KCND2: variants seen among roughly 807,000 people sequenced by gnomAD.
KCND2 encodes the protein A-type voltage-gated potassium channel KCND2.
Under a neutral mutation model 54.4 loss-of-function variants are expected in KCND2, and 16 were observed. That is an observed-to-expected ratio of 0.29 (90% CI 0.20 to 0.45). KCND2 has a LOEUF of 0.45. KCND2 is among the 20% of genes least tolerant of loss of function. The pLI is 1.00. For missense variants in KCND2, 486 were observed against 824.2 expected, an observed-to-expected ratio of 0.59 and a Z score of 5.02; for synonymous variants, 317 against 310.7, an observed-to-expected ratio of 1.02 and a Z score of -0.21.
At chr7:120,529,935 G>A (rs1000838673) in intron 1 of KCND2, among the ~76,000 whole-genome samples, 8 of 151,930 alleles carry the variant, frequency 5.3e-5, no homozygotes, top group African/African-American at 1.5e-4. Flanking sequence ...TTAAAAATTA[G>A]CCAGGCACAC....
At chr7:120,566,615 A>T (rs1471086209) in intron 1 of KCND2, among the ~76,000 whole-genome samples, 1 of 152,012 alleles carries the variant, frequency 6.6e-6, no homozygotes, top group East Asian at 1.9e-4. Context: ...CAAAGTGCTG[A>T]GATTATAGGC....
intron 1 of KCND2, among the ~76,000 whole-genome samples, chr7:120,437,281 C>T (rs773835848): frequency 2.0e-5 from 3 of 148,972 alleles, no homozygotes; most frequent in Non-Finnish European, 4.4e-5. Context: ...CGGCTCACTG[C>T]AACCTCTGCC....
chr7:120,441,366 G>A (rs927556342), intron 1 of KCND2, among the ~76,000 whole-genome samples: 1 of 151,986 alleles, frequency 6.6e-6, no homozygotes, highest in African/African-American at 2.4e-5. Flanking sequence ...GCATGTATAT[G>A]TATATTCCCT....
At chr7:120,522,641 T>C (rs1434308611) in intron 1 of KCND2, among the ~76,000 whole-genome samples, 3 of 152,186 alleles carry the variant, frequency 2.0e-5, no homozygotes, top group Non-Finnish European at 4.4e-5. Flanking sequence ...AAAGTTATAA[T>C]AACAATCCTG....
chr7:120,680,710 A>G (rs1792128659), intron 1 of KCND2, among the ~76,000 whole-genome samples: 1 of 152,116 alleles, frequency 6.6e-6, no homozygotes, highest in Non-Finnish European at 1.5e-5. Context: ...ATAATACAAT[A>G]GTATATAAGC....
chr7:120,578,060 G>GAAC lies in KCND2; in HGVS notation c.1116-154841_1116-154840insCAA, dbSNP rs1238047358. Reference sequence around the variant, plus strand: ...AGAAGAAGGAGAAGAAGAAGAAGAAGAAGAACAAGAAGGAGAAGGAGAAGG... The same window carrying GAAC: ...AGAAGAAGGAGAAGAAGAAGAAGAAGAACAAGAACAAGAAGGAGAAGGAGAAGG... On this transcript the variant is annotated intron_variant, in intron 1 of 5. Transcript: ENST00000331113. 2.1e-4 allele frequency among the ~76,000 whole-genome samples: 31 copies of GAAC among 147,956 alleles called. 1 individual carries two copies. The Middle Eastern group carries it at 0.014, about 66-fold the overall frequency.
chr7:120,735,808 G>C (rs1197754926), intron 2 of KCND2, among the ~76,000 whole-genome samples: 1 of 151,992 alleles, frequency 6.6e-6, no homozygotes, highest in Non-Finnish European at 1.5e-5. Context: ...TAATAACCAA[G>C]TATAATATGT....
At chr7:120,381,987 GTTTCGTGTGGTT>G (rs1474765669) in intron 1 of KCND2, among the ~76,000 whole-genome samples, 1 of 150,780 alleles carries the variant, frequency 6.6e-6, no homozygotes, top group African/African-American at 2.4e-5. Context: ...ATAGTTGGTA[GTTTCGTGTGGTT>G]TATTTACTTT....
chr7:120,471,478 C>G (rs1482963749), intron 1 of KCND2, among the ~76,000 whole-genome samples: 1 of 151,980 alleles, frequency 6.6e-6, no homozygotes, highest in Non-Finnish European at 1.5e-5. Flanking sequence ...AATATTAATG[C>G]CATGGGTCTG....
At chr7:120,716,842 A>G (rs1177844119) in intron 1 of KCND2, among the ~76,000 whole-genome samples, 1 of 152,122 alleles carries the variant, frequency 6.6e-6, no homozygotes, top group African/African-American at 2.4e-5. Flanking sequence ...TCAGGAATAC[A>G]GCAGTCCCCC....
At position 120,748,227 on chromosome 7, in the gene KCND2, A is replaced by C. The variant is rs111922939; in HGVS notation, c.*369A>C. On this transcript the variant is annotated 3_prime_UTR_variant, in exon 6 of 6. Coordinates refer to ENST00000331113, the MANE Select transcript of KCND2 (RefSeq NM_012281.3). ...AAAAAATATGGAAAACATTTTGATA[A>C]AATTTTTTCCTGTTAAAACCATGAA... 833 of 168,700 alleles carry C rather than the reference A, an allele frequency of 4.9e-3. 7 individuals carry two copies. Among genetic ancestry groups the C allele is most frequent in the African/African-American group, 0.019 (795 of 41,748 alleles). 10.5% of individuals were successfully genotyped at this position (168,700 alleles called of 1,614,324 possible).
chr7:120,316,762 T>C (rs1769256260), intron 1 of KCND2, among the ~76,000 whole-genome samples: 1 of 152,188 alleles, frequency 6.6e-6, no homozygotes, highest in Admixed American at 6.5e-5. Context: ...AAGAATGATA[T>C]CTTTTTTTTG....
chr7:120,273,325 T>C lies in KCND2; in HGVS notation c.-1308T>C, dbSNP rs1218892596. ...TAGCAGCCCTCCCGCGCCCCCGCGC[T>C]GCCGAGCGCCTTCTGCCTCCGCGCT... On this transcript the variant is annotated 5_prime_UTR_variant, in exon 1 of 6. Transcript: ENST00000331113. Among the ~76,000 whole-genome samples the C allele has an allele frequency of 6.7e-6, 1 of 150,328 alleles. No homozygotes were observed. Among genetic ancestry groups the C allele is most frequent in the Non-Finnish European group, 1.5e-5 (1 of 67,270 alleles).
rs869059871 is a variant in KCND2 at position 120,712,241 on chromosome 7, A to ATTTTTTT, written c.1116-20628_1116-20622dup. On this transcript the variant is annotated intron_variant, in intron 1 of 5. Coordinates refer to ENST00000331113, the MANE Select transcript of KCND2 (RefSeq NM_012281.3). ...TTTTCTTTGAATTTTGGATATCTGA[A>ATTTTTTT]TTTTTTTTTTTTTTTTTTTTTTTTT... Among the ~76,000 whole-genome samples, 125 of 34,784 alleles carry ATTTTTTT rather than the reference A, an allele frequency of 3.6e-3. 49 individuals carry two copies. The highest frequency in any genetic ancestry group is 4.6e-3 in the Non-Finnish European group (88 of 18,964). The allele number at this position is 34,784 out of a possible 152,430, so 22.8% of individuals were successfully genotyped here. A position where few individuals can be genotyped will look rare whatever the true frequency, so the allele number is the denominator to read the frequency against.
At chr7:120,673,905 ATTTATTT>A (rs1792025289) in intron 1 of KCND2, among the ~76,000 whole-genome samples, 1 of 136,084 alleles carries the variant, frequency 7.3e-6, no homozygotes, top group African/African-American at 2.8e-5. Context: ...TGCCTCTTTT[ATTTATTT>A]TTTTTTTTTT....
At chr7:120,552,363 G>A (rs1252696712) in intron 1 of KCND2, among the ~76,000 whole-genome samples, 3 of 152,148 alleles carry the variant, frequency 2.0e-5, no homozygotes, top group Non-Finnish European at 4.4e-5. Flanking sequence ...TGTAGGGGAG[G>A]AAGTATATAT....
At chr7:120,509,742 T>C (rs1803083714) in intron 1 of KCND2, among the ~76,000 whole-genome samples, 6 of 152,128 alleles carry the variant, frequency 3.9e-5, no homozygotes, top group Admixed American at 3.9e-4. Context: ...GAGTTTTCCG[T>C]TGCAAAATTA....
intron 1 of KCND2, among the ~76,000 whole-genome samples, chr7:120,544,914 T>C (rs542281690): frequency 1.3e-5 from 2 of 151,978 alleles, no homozygotes; most frequent in South Asian, 4.1e-4. Flanking sequence ...TTATTTTACC[T>C]TGGAAATAAG....
At position 120,647,197 on chromosome 7, in the gene KCND2, A is replaced by G. The variant is rs560874395; in HGVS notation, c.1116-85706A>G. On this transcript the variant is annotated intron_variant, in intron 1 of 5. Transcript: ENST00000331113. ...CGAATGTATTTGAATTCAAAGGTCT[A>G]TGATTATAATATGCCTTAAGTTAAA... Among the ~76,000 whole-genome samples the G allele has an allele frequency of 3.9e-5, 6 of 152,304 alleles. No individual in the cohort carries two copies. The East Asian group carries it at 1.2e-3, about 29-fold the overall frequency.
Sources: gnomAD v4.1 joint callset for allele counts (sites outside exome capture counted in the v4.1 genomes callset) on GRCh38, gnomAD v4.1.1 for gene constraint, MANE v1.5 for transcripts, NCBI Gene and HGNC (gene_info 2026-07-23, HGNC 2026-07-21) for gene names.